Variants in TRDN observed in about 807,000 individuals in gnomAD.
TRDN encodes the protein triadin, also known as triadin in skeletal muscle.
In TRDN, 161 loss-of-function variants were observed where a neutral mutation model predicts 149.7. That is an observed-to-expected ratio of 1.08 (90% CI 0.95 to 1.23). TRDN has a LOEUF of 1.23. Among genes scored for constraint, TRDN ranks in the 50% most tolerant of loss-of-function variants. TRDN has a pLI of 0.00. For missense variants in TRDN, 896 were observed against 823.5 expected (o/e 1.09, Z -1.08); for synonymous variants, 294 against 250.5 (o/e 1.17, Z -1.64).
chr6:123,323,662 C>G (rs1057285345), intron 23 of TRDN, among the ~76,000 whole-genome samples: 2 of 152,280 alleles, frequency 1.3e-5, no homozygotes, highest in South Asian at 2.1e-4. Flanking sequence ...GCTGAGTGGA[C>G]ATTAAACACA....
chr6:123,583,658 G>T (rs1388145877), intron 1 of TRDN, among the ~76,000 whole-genome samples: 1 of 152,032 alleles, frequency 6.6e-6, no homozygotes, highest in African/African-American at 2.4e-5. Flanking sequence ...AGGCTAAACT[G>T]AGGAATTATG....
chr6:123,592,569 C>A (rs1783836551), intron 1 of TRDN, among the ~76,000 whole-genome samples: 1 of 152,008 alleles, frequency 6.6e-6, no homozygotes, highest in Non-Finnish European at 1.5e-5. Context: ...AATAGCTTAT[C>A]TGAATAGGAT....
At chr6:123,483,070 TTATTATTATTA>T (rs1777821432) in intron 9 of TRDN, among the ~76,000 whole-genome samples, 2 of 17,280 alleles carry the variant, frequency 1.2e-4, no homozygotes, top group African/African-American at 2.5e-4. Flanking sequence ...TTCTCATTTA[TTATTATTATTA>T]TTATTATTAT....
intron 8 of TRDN, among the ~76,000 whole-genome samples, chr6:123,500,182 G>A (rs1778639993): frequency 1.3e-5 from 2 of 152,054 alleles, no homozygotes. Flanking sequence ...CACTTAGAAG[G>A]TTTTGTTATA....
rs1007063142 is a variant in TRDN at position 123,528,803 on chromosome 6, A to T, written c.484+1703T>A. ...AAATCTTTTGTTCATATTCACACAG[A>T]AAAACTGTGGAAAACATAAGCTCTC... On this transcript the variant is annotated intron_variant, in intron 5 of 40. Transcript: ENST00000334268. 9.0e-6 allele frequency: 9 copies of T among 998,174 alleles called. No individual in the cohort carries two copies. The African/African-American group carries it at 1.6e-4, about 17-fold the overall frequency. 61.8% of individuals were successfully genotyped at this position (998,174 alleles called of 1,614,324 possible).
intron 4 of TRDN, among the ~76,000 whole-genome samples, chr6:123,540,456 A>G (rs1438774457): frequency 6.6e-6 from 1 of 152,110 alleles, no homozygotes; most frequent in Non-Finnish European, 1.5e-5. Context: ...AAAAAACTAT[A>G]TCAAGTCATT....
chr6:123,479,293 T>C (rs1188380159), intron 9 of TRDN, among the ~76,000 whole-genome samples: 1 of 152,100 alleles, frequency 6.6e-6, no homozygotes, highest in African/African-American at 2.4e-5. Context: ...AATTTATGAG[T>C]AGAACACTAA....
intron 9 of TRDN, among the ~76,000 whole-genome samples, chr6:123,469,367 C>G (rs1218844700): frequency 1.3e-5 from 2 of 152,124 alleles, no homozygotes; most frequent in Non-Finnish European, 2.9e-5. Context: ...AAGAGGAGAC[C>G]CTAGAGATAT....
chr6:123,600,557 G>T (rs1784233826), intron 1 of TRDN, among the ~76,000 whole-genome samples: 1 of 152,018 alleles, frequency 6.6e-6, no homozygotes, highest in Admixed American at 6.6e-5. Flanking sequence ...CTTTATTATG[G>T]GAAAGGGATG....
At position 123,269,837 on chromosome 6, in the gene TRDN, T is replaced by C. The variant is rs759707110; in HGVS notation, c.1738+12A>G. 17 of 1,610,166 alleles carry C rather than the reference T, an allele frequency of 1.1e-5. No individual in the cohort carries two copies. Among genetic ancestry groups the C allele is most frequent in the Non-Finnish European group, 1.4e-5 (17 of 1,177,890 alleles). On this transcript the variant is annotated intron_variant, in intron 31 of 40. Transcript: ENST00000334268. Reference sequence around the variant, plus strand: ...GCGATATTTCTCAGGTGTTATTCTATTCATCTCTTACTTGTTGGTTTGGGC... The same window carrying C: ...GCGATATTTCTCAGGTGTTATTCTACTCATCTCTTACTTGTTGGTTTGGGC...
At chr6:123,326,564 T>C (rs942941663) in intron 23 of TRDN, among the ~76,000 whole-genome samples, 5 of 149,240 alleles carry the variant, frequency 3.4e-5, no homozygotes, top group Non-Finnish European at 7.4e-5. Context: ...CTTATAGACA[T>C]ACACCTACTA....
chr6:123,292,146 T>C lies in TRDN; in HGVS notation c.1511-13064A>G, dbSNP rs187040121. On this transcript the variant is annotated intron_variant, in intron 24 of 40. Coordinates refer to ENST00000334268, the MANE Select transcript of TRDN (RefSeq NM_006073.4). ...TGTTTTGTATTACCTCTTTTTGTCA[T>C]GGTGTGCTAGAGGCAGCATCAATGG... Among the ~76,000 whole-genome samples the C allele has an allele frequency of 2.6e-5, 4 of 152,336 alleles. No homozygotes were observed. In the East Asian group the frequency reaches 7.7e-4, roughly 29 times the overall value.
chr6:123,410,394 G>C (rs980453345), intron 12 of TRDN, among the ~76,000 whole-genome samples: 1 of 152,062 alleles, frequency 6.6e-6, no homozygotes, highest in African/African-American at 2.4e-5. Context: ...ATTACTCACT[G>C]CACTCACAAA....
At chr6:123,367,862 C>A (rs535080819) in intron 19 of TRDN, among the ~76,000 whole-genome samples, 2 of 152,260 alleles carry the variant, frequency 1.3e-5, no homozygotes, top group East Asian at 3.9e-4. Context: ...CAAGACTATT[C>A]CTACTGTGAG....
chr6:123,299,851 C>T (rs1778340143), intron 24 of TRDN, among the ~76,000 whole-genome samples: 1 of 151,856 alleles, frequency 6.6e-6, no homozygotes, highest in Non-Finnish European at 1.5e-5. Context: ...AGAATAGGTT[C>T]AAATAATGAA....
chr6:123,267,304 A>G (rs1276762493), intron 32 of TRDN, among the ~76,000 whole-genome samples: 2 of 152,014 alleles, frequency 1.3e-5, no homozygotes, highest in African/African-American at 4.8e-5. Context: ...AGAATGGGGT[A>G]ACTTCTCTTT....
chr6:123,336,657 T>G (rs1266762945), intron 22 of TRDN, among the ~76,000 whole-genome samples: 1 of 151,920 alleles, frequency 6.6e-6, no homozygotes, highest in Non-Finnish European at 1.5e-5. Context: ...TTTTGCATCC[T>G]TTGTGTCTAG....
chr6:123,458,751 A>G (rs189753786), intron 10 of TRDN, among the ~76,000 whole-genome samples: 1 of 152,258 alleles, frequency 6.6e-6, no homozygotes, highest in Non-Finnish European at 1.5e-5. Flanking sequence ...TTCATGGCTG[A>G]CCTGCTCTTT....
chr6:123,299,273 G>A (rs1778318574), intron 24 of TRDN, among the ~76,000 whole-genome samples: 1 of 152,002 alleles, frequency 6.6e-6, no homozygotes, highest in Non-Finnish European at 1.5e-5. Flanking sequence ...TTGTGAGAAG[G>A]AGAGCACAGT....
Sources: allele counts gnomAD v4.1 joint callset (sites outside exome capture counted in the v4.1 genomes callset), GRCh38; gene constraint gnomAD v4.1.1; transcripts MANE v1.5; gene names NCBI Gene and HGNC (gene_info 2026-07-23, HGNC 2026-07-21).